The following GRIK2 variants were observed in gnomAD, a reference collection of about 807,000 sequenced individuals.
GRIK2 encodes glutamate ionotropic receptor kainate type subunit 2, also known as glutamate receptor ionotropic, kainate 2.
GRIK2 carries 32 observed loss-of-function variants against 100.3 expected under a neutral mutation model. The ratio of observed to expected loss-of-function variants is 0.32; its 90% CI spans 0.24 to 0.43. The LOEUF is 0.43. GRIK2 is among the 20% of genes least tolerant of loss of function. The pLI is 1.00. For synonymous variants in GRIK2, 417 were observed against 389.4 expected (o/e 1.07, Z -0.83); for missense variants, 843 against 1,114.9 (o/e 0.76, Z 3.47).
intron 4 of GRIK2, among the ~76,000 whole-genome samples, chr6:101,663,268 C>G (rs1769766872): frequency 6.6e-6 from 1 of 152,112 alleles, no homozygotes. Context: ...TTGACTTGAG[C>G]ACAAGTGGGG....
At chr6:101,845,135 T>C (rs1313254525) in intron 10 of GRIK2, among the ~76,000 whole-genome samples, 1 of 152,042 alleles carries the variant, frequency 6.6e-6, no homozygotes, top group African/African-American at 2.4e-5. Flanking sequence ...TCCTCCCACT[T>C]CAGCCTCCCA....
rs1562351832 is a variant in GRIK2 at position 101,744,556 on chromosome 6, A to ATC, written c.952-55091_952-55090insCT. ...TATATATATATATATATATATATAT[A>ATC]TATCACAATTTCTTTTTCTTTTTCT... is the stretch of plus-strand genomic sequence containing the variant. On this transcript the variant is annotated intron_variant, in intron 7 of 16. Transcript: ENST00000369134. 104 of 113,592 alleles carry ATC rather than the reference A, an allele frequency of 9.2e-4. 2 individuals carry two copies. The highest frequency in any genetic ancestry group is 3.5e-3 in the African/African-American group (100 of 28,458). 7.0% of individuals were successfully genotyped at this position (113,592 alleles called of 1,614,324 possible). A position where few individuals can be genotyped will look rare whatever the true frequency, so the allele number is the denominator to read the frequency against.
chr6:101,818,537 G>A, intron 10 of GRIK2, 54 bp downstream of exon 10: 2 of 928,416 alleles, frequency 2.2e-6, no homozygotes, highest in Non-Finnish European at 3.5e-6. Context: ...ACACAGAAGT[G>A]CATAGAAAAG....
intron 10 of GRIK2, among the ~76,000 whole-genome samples, chr6:101,834,037 T>C (rs1782885510): frequency 1.3e-5 from 2 of 152,108 alleles, no homozygotes; most frequent in African/African-American, 4.8e-5. Flanking sequence ...GTAGCTTTCA[T>C]AATTTATTTT....
chr6:101,875,156 G>A (rs1785735356), intron 11 of GRIK2, among the ~76,000 whole-genome samples: 1 of 152,092 alleles, frequency 6.6e-6, no homozygotes, highest in Non-Finnish European at 1.5e-5. Flanking sequence ...GTGAGAGAGG[G>A]CATCCCTGCC....
At chr6:101,449,664 G>C (rs1770561713) in intron 2 of GRIK2, among the ~76,000 whole-genome samples, 1 of 151,664 alleles carries the variant, frequency 6.6e-6, no homozygotes, top group Non-Finnish European at 1.5e-5. Context: ...TGTTGATTCA[G>C]ATTCTCCTTT....
intron 2 of GRIK2, among the ~76,000 whole-genome samples, chr6:101,465,903 G>A (rs1382051464): frequency 6.6e-6 from 1 of 152,138 alleles, no homozygotes; most frequent in Non-Finnish European, 1.5e-5. Flanking sequence ...GTCTTATGGG[G>A]GTTGAGTGCT....
At chr6:101,735,045 A>G (rs763484336) in intron 7 of GRIK2, among the ~76,000 whole-genome samples, 4 of 152,216 alleles carry the variant, frequency 2.6e-5, no homozygotes, top group Non-Finnish European at 5.9e-5. Context: ...TAGCAAATAT[A>G]TTTGTAGTGT....
intron 7 of GRIK2, among the ~76,000 whole-genome samples, chr6:101,714,339 G>T (rs1403255754): frequency 6.6e-6 from 1 of 151,610 alleles, no homozygotes; most frequent in African/African-American, 2.4e-5. Context: ...TTTATTTGAT[G>T]GGCCATGAGC....
At chr6:101,443,099 G>A (rs1770172295) in intron 2 of GRIK2, among the ~76,000 whole-genome samples, 1 of 152,024 alleles carries the variant, frequency 6.6e-6, no homozygotes, top group African/African-American at 2.4e-5. Context: ...ATCACCTTGA[G>A]ATTGTCAAGG....
chr6:101,464,939 A>G (rs750702755), intron 2 of GRIK2, among the ~76,000 whole-genome samples: 2 of 152,128 alleles, frequency 1.3e-5, no homozygotes, highest in South Asian at 4.1e-4. Context: ...TTAGATTAAT[A>G]TTCTTTCTAA....
At chr6:101,610,023 A>C (rs2128312973) in intron 2 of GRIK2, among the ~76,000 whole-genome samples, 1 of 151,834 alleles carries the variant, frequency 6.6e-6, no homozygotes, top group African/African-American at 2.4e-5. Flanking sequence ...AATTTTAAGA[A>C]TTTTAAGAAA....
Position 101,430,838 on chromosome 6 carries a change from C to T in GRIK2, c.115+31446C>T, listed in dbSNP as rs114450121. 3.8e-3 allele frequency: 1,188 copies of T among 309,082 alleles called. 12 individuals carry two copies. Among genetic ancestry groups the T allele is most frequent in the African/African-American group, 0.024 (1,098 of 45,226 alleles). The allele number at this position is 309,082 out of a possible 1,614,324, so 19.1% of individuals were successfully genotyped here. On this transcript the variant is annotated intron_variant, in intron 2 of 16. Transcript: ENST00000369134. ...GCTCAAAGTCTAGGGCAGCATAGCA[C>T]AGCTTCTCCTTGATGTCGCGCACTA...
intron 9 of GRIK2, among the ~76,000 whole-genome samples, chr6:101,806,480 T>C (rs1478029789): frequency 6.6e-6 from 1 of 152,004 alleles, no homozygotes; most frequent in Non-Finnish European, 1.5e-5. Flanking sequence ...AGGCAGATAT[T>C]TTTAAAAGGA....
rs796734877 is a variant in GRIK2, at chr6:101,541,416, ACATACACACACACT to A, written c.116-80532_116-80519del. Reference sequence around the variant, plus strand: ...CACACACACACACACACACACACACACATACACACACACTACACCCTTATACAAACCCAACCAAA... The same window carrying A: ...CACACACACACACACACACACACACAACACCCTTATACAAACCCAACCAAA... On this transcript the variant is annotated intron_variant, in intron 2 of 16. Transcript: ENST00000369134. Among the ~76,000 whole-genome samples the A allele has an allele frequency of 6.1e-3, 625 of 102,164 alleles. 13 individuals are homozygous for A. Among genetic ancestry groups the A allele is most frequent in the African/African-American group, 0.019 (558 of 29,704 alleles). 67.0% of individuals were successfully genotyped at this position (102,164 alleles called of 152,430 possible).
chr6:101,585,154 C>T (rs1448852788), intron 2 of GRIK2, among the ~76,000 whole-genome samples: 4 of 151,846 alleles, frequency 2.6e-5, no homozygotes, highest in African/African-American at 4.8e-5. Context: ...TGAGATTTCC[C>T]CAAAATAATC....
At chr6:101,961,250 G>A (rs1001044003) in intron 14 of GRIK2, among the ~76,000 whole-genome samples, 1 of 152,026 alleles carries the variant, frequency 6.6e-6, no homozygotes, top group East Asian at 1.9e-4. Flanking sequence ...AAATGACCTC[G>A]GGAGAAACCT....
intron 11 of GRIK2, among the ~76,000 whole-genome samples, chr6:101,863,140 T>G (rs1003146011): frequency 1.3e-5 from 2 of 152,204 alleles, no homozygotes. Flanking sequence ...GCCATTTTAT[T>G]ATGTCTCTAT....
chr6:101,828,459 T>A (rs559144631), intron 10 of GRIK2, among the ~76,000 whole-genome samples: 1 of 151,572 alleles, frequency 6.6e-6, no homozygotes, highest in East Asian at 1.9e-4. Flanking sequence ...CCAGAAAACA[T>A]ATAAAGGATC....
Sources: allele counts gnomAD v4.1 joint callset (sites outside exome capture counted in the v4.1 genomes callset), GRCh38; gene constraint gnomAD v4.1.1; transcripts MANE v1.5; gene names NCBI Gene and HGNC (gene_info 2026-07-23, HGNC 2026-07-21).